The following OR8B3 variants were observed in gnomAD, a reference collection of about 807,000 sequenced individuals.
The protein encoded by OR8B3 is olfactory receptor family 8 subfamily B member 3.
For missense variants in OR8B3, 278 were observed against 377.6 expected (o/e 0.74, Z 2.19); for synonymous variants, 102 against 135.4 (o/e 0.75, Z 1.71).
the OR8B3 span, among the ~76,000 whole-genome samples, chr11:124,408,617 G>T: frequency 1.3e-5 from 2 of 152,052 alleles, no homozygotes; most frequent in Non-Finnish European, 2.9e-5. Context: ...TGAAAAAGAG[G>T]CACAATCCCT....
upstream of OR8B3, among the ~76,000 whole-genome samples, chr11:124,400,836 G>C (rs1056397643): frequency 1.3e-5 from 2 of 151,798 alleles, no homozygotes; most frequent in Non-Finnish European, 2.9e-5. Flanking sequence ...TCACACCTGG[G>C]ATTACAGATG....
upstream of OR8B3, among the ~76,000 whole-genome samples, chr11:124,403,810 C>A (rs1565353116): frequency 6.6e-6 from 1 of 152,204 alleles, no homozygotes; most frequent in Non-Finnish European, 1.5e-5. Context: ...CACTGCACTC[C>A]AGCCTGGGCA....
At chr11:124,408,618 C>T in the OR8B3 span, among the ~76,000 whole-genome samples, 1 of 152,106 alleles carries the variant, frequency 6.6e-6, no homozygotes, top group Non-Finnish European at 1.5e-5. Flanking sequence ...GAAAAAGAGG[C>T]ACAATCCCTG....
the OR8B3 span, among the ~76,000 whole-genome samples, chr11:124,406,986 A>G: frequency 6.6e-6 from 1 of 152,136 alleles, no homozygotes; most frequent in African/African-American, 2.4e-5. Context: ...ATTTTCCATG[A>G]AGCAAATGTT....
rs1228953950 is a variant in OR8B3, at chr11:124,397,238, G to A, written c.114C>T (p.Thr38=). Residue 38 remains threonine (T), a synonymous_variant, in exon 2 of 2, where the codon ACC becomes ACT. Transcript: ENST00000641139. ...FFLFLVVYIV[T]MVGNLGLIIL... ...TGATCAAGCCAAGGTTGCCTACCAT[G>A]GTGACAATGTAGACCACTAGAAACA... is the stretch of plus-strand genomic sequence containing the variant. The A allele has an allele frequency of 5.0e-6, 8 of 1,596,656 alleles. No homozygotes were observed. Among genetic ancestry groups the A allele is most frequent in the Middle Eastern group, 1.7e-4 (1 of 6,030 alleles).
At chr11:124,401,277 A>G (rs573157), upstream of OR8B3, among the ~76,000 whole-genome samples, 60,227 of 150,388 alleles carry the variant, frequency 0.4, 13,592 homozygotes, top group African/African-American at 0.63. Context: ...CTTTTGTAAG[A>G]AACCCACTCT....
upstream of OR8B3, among the ~76,000 whole-genome samples, chr11:124,400,834 G>C (rs1016593096): frequency 2.6e-5 from 4 of 151,794 alleles, no homozygotes; most frequent in Admixed American, 2.0e-4. Context: ...TCTCACACCT[G>C]GGATTACAGA....
the OR8B3 span, among the ~76,000 whole-genome samples, chr11:124,408,065 T>A: frequency 5.3e-5 from 8 of 152,362 alleles, no homozygotes; most frequent in Middle Eastern, 3.4e-3. Flanking sequence ...TATGTATTAA[T>A]GTAACTTTCC....
At chr11:124,399,727 C>A (rs930152675), upstream of OR8B3, among the ~76,000 whole-genome samples, 1 of 152,158 alleles carries the variant, frequency 6.6e-6, no homozygotes. Context: ...AGGACAATAG[C>A]AAAACCAGGA....
At chr11:124,399,107 A>G (rs1300686861), upstream of OR8B3, 2 of 152,316 alleles carry the variant, frequency 1.3e-5, no homozygotes, top group East Asian at 3.9e-4. Flanking sequence ...TTGTTGTAGT[A>G]GAGGTAAATT....
chr11:124,406,460 T>C, the OR8B3 span, among the ~76,000 whole-genome samples: 1 of 152,186 alleles, frequency 6.6e-6, no homozygotes, highest in Non-Finnish European at 1.5e-5. Flanking sequence ...ACTTTTATTT[T>C]ATGTGTATTT....
the OR8B3 span, among the ~76,000 whole-genome samples, chr11:124,408,906 C>T: frequency 6.6e-6 from 1 of 152,176 alleles, no homozygotes; most frequent in Non-Finnish European, 1.5e-5. Flanking sequence ...ATAAATAGGA[C>T]TGCAGAACAA....
In OR8B3 at chr11:124,396,175, AT is replaced by A. The variant is rs1417870733; in HGVS notation, c.*234del. On this transcript the variant is annotated 3_prime_UTR_variant, in exon 2 of 2. Coordinates refer to ENST00000641139, the MANE Select transcript of OR8B3 (RefSeq NM_001005467.2). ...GAAGGATATAAAATGATAATGAAAA[AT>A]ATCAGTGCATATGTTCCTTTTACAA... 2.3e-6 allele frequency: 1 copy of A among 431,876 alleles called. No homozygotes were observed. The highest frequency in any genetic ancestry group is 4.1e-6 in the Non-Finnish European group (1 of 246,408). The allele number at this position is 431,876 out of a possible 1,614,324, so 26.8% of individuals were successfully genotyped here. A position where few individuals can be genotyped will look rare whatever the true frequency, so the allele number is the denominator to read the frequency against.
At chr11:124,404,808 G>C in the OR8B3 span, 6 of 152,162 alleles carry the variant, frequency 3.9e-5, no homozygotes, top group African/African-American at 7.2e-5. Context: ...CTTTGACAAA[G>C]ATGCAAAAGA....
intron 1 of OR8B3, among the ~76,000 whole-genome samples, chr11:124,398,231 C>T (rs1371091075): frequency 6.6e-6 from 1 of 151,694 alleles, no homozygotes; most frequent in Non-Finnish European, 1.5e-5. Context: ...ATACAAATCA[C>T]ATAAGTGTTT....
chr11:124,399,775 A>T (rs901178649), upstream of OR8B3, among the ~76,000 whole-genome samples: 3 of 152,174 alleles, frequency 2.0e-5, no homozygotes, highest in Admixed American at 1.3e-4. Flanking sequence ...GAAACTACAG[A>T]CCTTATTCAC....
the OR8B3 span, among the ~76,000 whole-genome samples, chr11:124,406,437 G>T: frequency 6.6e-6 from 1 of 151,894 alleles, no homozygotes; most frequent in African/African-American, 2.4e-5. Context: ...TTTTCCCTGC[G>T]TGCTCCCTGA....
chr11:124,403,589 C>T (rs537509564), upstream of OR8B3, among the ~76,000 whole-genome samples: 763 of 150,904 alleles, frequency 5.1e-3, 4 homozygotes, highest in African/African-American at 0.017. Flanking sequence ...ACTTCCCAGA[C>T]GTGATGGCGG....
the OR8B3 span, among the ~76,000 whole-genome samples, chr11:124,406,924 T>C: frequency 6.6e-6 from 1 of 152,156 alleles, no homozygotes; most frequent in Non-Finnish European, 1.5e-5. Flanking sequence ...TTAAACACTA[T>C]TTACAGATAA....
Sources: gnomAD v4.1 joint callset for allele counts (sites outside exome capture counted in the v4.1 genomes callset) on GRCh38, gnomAD v4.1.1 for gene constraint, MANE v1.5 for transcripts, NCBI Gene and HGNC (gene_info 2026-07-23, HGNC 2026-07-21) for gene names.